Variants in PRRC2C observed in about 807,000 individuals in gnomAD.
The protein encoded by PRRC2C is protein PRRC2C.
Under a neutral mutation model 317.2 loss-of-function variants are expected in PRRC2C, and 72 were observed. That is an observed-to-expected ratio of 0.23 (90% CI 0.19 to 0.28). PRRC2C has a LOEUF of 0.28. Among genes scored for constraint, PRRC2C ranks in the 10% least tolerant of loss-of-function variants. The pLI is 1.00. For synonymous variants in PRRC2C, 1,296 were observed against 1,205.9 expected, an observed-to-expected ratio of 1.07 and a Z score of -1.55; for missense variants, 3,074 against 3,459.7, an observed-to-expected ratio of 0.89 and a Z score of 2.80.
intron 2 of PRRC2C, 49 bp from the exon 3 acceptor site, chr1:171,512,946 T>G (rs779930518): frequency 6.7e-7 from 1 of 1,484,466 alleles, no homozygotes; most frequent in East Asian, 2.3e-5. Context: ...AGGAATAAAA[T>G]GGGTAATAAA....
At chr1:171,526,652 A>G (rs1176320457) in intron 10 of PRRC2C, among the ~76,000 whole-genome samples, 2 of 151,650 alleles carry the variant, frequency 1.3e-5, no homozygotes, top group South Asian at 2.1e-4. Context: ...TTTTTATTGT[A>G]AAGTGCATTT....
At chr1:171,491,300 G>A (rs2102029493) in intron 1 of PRRC2C, among the ~76,000 whole-genome samples, 1 of 152,288 alleles carries the variant, frequency 6.6e-6, no homozygotes, top group Middle Eastern at 3.4e-3. Context: ...GTACAGGGCT[G>A]CTATATATGG....
At chr1:171,582,842 G>T (rs1424119836) in intron 28 of PRRC2C, among the ~76,000 whole-genome samples, 1 of 136,936 alleles carries the variant, frequency 7.3e-6, no homozygotes, top group Non-Finnish European at 1.5e-5. Context: ...TACACTGTGG[G>T]TACACTAAAT....
intron 25 of PRRC2C, among the ~76,000 whole-genome samples, chr1:171,576,579 T>C (rs1470465083): frequency 2.0e-5 from 3 of 152,224 alleles, no homozygotes; most frequent in African/African-American, 7.2e-5. Flanking sequence ...AGTTTTATAA[T>C]TCTATTTACT....
rs74122879 is a variant in PRRC2C at position 171,575,327 on chromosome 1, A to G, written c.6955+199A>G. On this transcript the variant is annotated intron_variant, in intron 25 of 34. Transcript: ENST00000647382. The stretch of plus-strand genomic sequence containing the variant: ...GCTTTTTAAAATGTCATTTTCCTCT[A>G]AATTTTTCTAGGAAGTTCACCTTTT... 2.8e-3 allele frequency among the ~76,000 whole-genome samples: 427 copies of G among 152,250 alleles called. 1 individual carries two copies. Among genetic ancestry groups the G allele is most frequent in the African/African-American group, 9.9e-3 (410 of 41,540 alleles).
chr1:171,507,431 T>G (rs941359828), intron 1 of PRRC2C, among the ~76,000 whole-genome samples: 3 of 151,992 alleles, frequency 2.0e-5, no homozygotes, highest in African/African-American at 7.3e-5. Context: ...ACCAACATGG[T>G]GAAACCCCTT....
chr1:171,591,141 T>C, intron 34 of PRRC2C: 1 of 986,808 alleles, frequency 1.0e-6, no homozygotes, highest in Non-Finnish European at 1.2e-6. Flanking sequence ...TCTGATGCTC[T>C]TCCCCTGCAG....
At position 171,587,038 on chromosome 1, in the gene PRRC2C, G is replaced by A. The variant is rs774193641; in HGVS notation, c.7785G>A (p.Leu2595=). 30 of 1,610,616 alleles carry A rather than the reference G, an allele frequency of 1.9e-5. No individual in the cohort carries two copies. In the Middle Eastern group the frequency reaches 4.9e-4, roughly 26 times the overall value. ...TVPLPASQLS[L]PNFGSTGQPL... ...CTTTACCAGCATCGCAGCTTTCCTT[G>A]CCTAATTTTGGATCTACAGGGCAAC... is the stretch of plus-strand genomic sequence containing the variant. Residue 2595 remains leucine (L), a synonymous_variant, in exon 31 of 35, where the codon TTG becomes TTA. Coordinates refer to ENST00000647382, the MANE Select transcript of PRRC2C (RefSeq NM_001387844.1).
rs1677988970 is a variant in PRRC2C, at chr1:171,541,719, C to T, written c.4253C>T (p.Ala1418Val). 2 of 1,613,912 alleles carry T rather than the reference C, an allele frequency of 1.2e-6. No homozygotes were observed. Among genetic ancestry groups the T allele is most frequent in the Non-Finnish European group, 1.7e-6 (2 of 1,179,864 alleles). The change falls in exon 16 of 35, where the codon GCT becomes GTT. Residue 1418 changes from alanine (A) to valine (V), a missense_variant. Coordinates refer to ENST00000647382, the MANE Select transcript of PRRC2C (RefSeq NM_001387844.1). This position sits in a 1 kb window ranked among gnomAD's most constrained non-coding sequence, Gnocchi z 4.1. ...PPKFERKFDP[A>V]RERPRRQRPT... ...AAATTTGAGCGAAAATTTGACCCAG[C>T]TAGAGAAAGGCCTCGAAGGCAGCGT...
At position 171,544,725 on chromosome 1, in the gene PRRC2C, G is replaced by A. The variant is rs566759458; in HGVS notation, c.4764-754G>A. Among the ~76,000 whole-genome samples, 294 of 152,266 alleles carry A rather than the reference G, an allele frequency of 1.9e-3. 3 individuals carry two copies. Among genetic ancestry groups the A allele is most frequent in the South Asian group, 0.013 (64 of 4,824 alleles). ...ACTTTGAACCTGTAGAAATGGCAGT[G>A]ACGATTATAATTAAATGTTTTTTAT... On this transcript the variant is annotated intron_variant, in intron 16 of 34. Coordinates refer to ENST00000647382, the MANE Select transcript of PRRC2C (RefSeq NM_001387844.1).
chr1:171,574,844 C>T, intron 24 of PRRC2C, 83 bp from the exon 25 acceptor site: 1 of 1,300,836 alleles, frequency 7.7e-7, no homozygotes, highest in South Asian at 1.4e-5. Flanking sequence ...ATATTTGGCA[C>T]TTAAATACTG....
At chr1:171,579,753 T>C (rs1212122159) in intron 27 of PRRC2C, 75 bp from the exon 28 acceptor site, 1 of 1,440,954 alleles carries the variant, frequency 6.9e-7, no homozygotes, top group Non-Finnish European at 9.2e-7. Context: ...GTCTCAAATT[T>C]TTATATTCCA....
At chr1:171,577,045 T>C (rs939342912) in intron 25 of PRRC2C, among the ~76,000 whole-genome samples, 3 of 152,228 alleles carry the variant, frequency 2.0e-5, no homozygotes, top group African/African-American at 7.2e-5. Context: ...ATAGCACTTT[T>C]CTCTTTTGTG....
In PRRC2C at chr1:171,577,530, C is replaced by A; in HGVS notation, c.7052C>A (p.Thr2351Lys). The A allele has an allele frequency of 6.2e-7, 1 of 1,613,094 alleles. No individual in the cohort carries two copies. The highest frequency in any genetic ancestry group is 1.3e-5 in the African/African-American group (1 of 74,996). ...AAAGTGAAACCTCAGCAGTTACAGA[C>A]AAGCAGCCTGCCTTCTGCAAGTCAT... ...ICKVKPQQLQ[T>K]SSLPSASHFS... Residue 2351 changes from threonine to lysine, a missense_variant, in exon 26 of 35, where the codon ACA becomes AAA. Physicochemically the swap from Thr to Lys is moderately conservative, Grantham distance 78. Around this residue, in one of 11 missense-constraint regions of PRRC2C, gnomAD observed 490 missense variants for 663.1 expected, o/e 0.74. Transcript: ENST00000647382.
At chr1:171,513,411 C>G (rs1031917939) in intron 3 of PRRC2C, 1 of 597,854 alleles carries the variant, frequency 1.7e-6, no homozygotes, top group Admixed American at 2.1e-5. Context: ...TATGTCATAG[C>G]CTTTATTAGG....
intron 26 of PRRC2C, among the ~76,000 whole-genome samples, chr1:171,578,416 G>A (rs1243500149): frequency 1.3e-5 from 2 of 152,094 alleles, no homozygotes; most frequent in Non-Finnish European, 2.9e-5. Context: ...AGCTGGATGT[G>A]GTGGCACATG....
At chr1:171,531,221 G>A (rs1675802126) in intron 11 of PRRC2C, among the ~76,000 whole-genome samples, 1 of 152,208 alleles carries the variant, frequency 6.6e-6, no homozygotes, top group Non-Finnish European at 1.5e-5. Flanking sequence ...GAGGAGTGAT[G>A]GAAATGTTGT....
intron 1 of PRRC2C, among the ~76,000 whole-genome samples, chr1:171,495,248 T>C (rs528573179): frequency 6.6e-6 from 1 of 152,346 alleles, no homozygotes; most frequent in South Asian, 2.1e-4. Flanking sequence ...AGCTAGAACC[T>C]TTTTCACATG....
At chr1:171,576,042 TC>T (rs1685642756) in intron 25 of PRRC2C, among the ~76,000 whole-genome samples, 1 of 151,876 alleles carries the variant, frequency 6.6e-6, no homozygotes, top group African/African-American at 2.4e-5. Context: ...TAACACAAAC[TC>T]CCGAGATTCT....
Sources: allele counts gnomAD v4.1 joint callset (sites outside exome capture counted in the v4.1 genomes callset), GRCh38; gene constraint gnomAD v4.1.1; regional missense constraint gnomAD v4.1.1; non-coding constraint Gnocchi (gnomAD v3.1); transcripts MANE v1.5; gene names NCBI Gene and HGNC (gene_info 2026-07-23, HGNC 2026-07-21).